TRANK1: variants seen among roughly 807,000 people sequenced by gnomAD.
TRANK1 encodes tetratricopeptide repeat and ankyrin repeat containing 1, also known as TPR and ankyrin repeat-containing protein 1.
In TRANK1, 198 loss-of-function variants were observed where a neutral mutation model predicts 266.0. The observed-to-expected ratio is 0.74, with a 90% CI of 0.66 to 0.84. The LOEUF (loss-of-function observed/expected upper bound fraction) is 0.84. Ranked by LOEUF, TRANK1 falls within the 40% of genes least tolerant of loss-of-function variation. TRANK1 has a pLI of 0.00. For missense variants in TRANK1, 3,326 were observed against 3,634.6 expected, an observed-to-expected ratio of 0.92 and a Z score of 2.18; for synonymous variants, 1,396 against 1,384.1, an observed-to-expected ratio of 1.01 and a Z score of -0.19.
intron 8 of TRANK1, among the ~76,000 whole-genome samples, chr3:36,877,595 C>T (rs748933597): frequency 6.6e-6 from 1 of 152,106 alleles, no homozygotes; most frequent in Non-Finnish European, 1.5e-5. Context: ...AAAAATGAAA[C>T]TGCCATGCAG....
At chr3:36,844,433 G>A (rs1170541140) in intron 17 of TRANK1, among the ~76,000 whole-genome samples, 1 of 152,128 alleles carries the variant, frequency 6.6e-6, no homozygotes, top group African/African-American at 2.4e-5. Context: ...CACCATGTTG[G>A]TCAGGCTGGT....
intron 1 of TRANK1, among the ~76,000 whole-genome samples, chr3:36,909,354 G>T (rs1395738301): frequency 6.6e-6 from 1 of 152,200 alleles, no homozygotes; most frequent in Non-Finnish European, 1.5e-5. Flanking sequence ...CTGCCTGGCA[G>T]CCCTGACCAC....
At chr3:36,914,107 G>A (rs2080092082) in intron 1 of TRANK1, among the ~76,000 whole-genome samples, 1 of 151,588 alleles carries the variant, frequency 6.6e-6, no homozygotes, top group South Asian at 2.1e-4. Context: ...AATATCTAGG[G>A]TCTCTTGACT....
At position 36,831,254 on chromosome 3, in the gene TRANK1, T is replaced by G. The variant is rs2125503183; in HGVS notation, c.8329A>C (p.Thr2777Pro). Reference protein sequence around the residue: ...TQCDLCGVKFTRGPENYFSPS... With the variant: ...TQCDLCGVKFPRGPENYFSPS... ...CTGAAATAGTTCTCTGGGCCACGGGTAAACTTCACTCCACATAGGTCACAC... is the reference window on the plus strand; with the variant it reads ...CTGAAATAGTTCTCTGGGCCACGGGGAAACTTCACTCCACATAGGTCACAC... Residue 2777 changes from threonine to proline, a missense_variant, in exon 22 of 24, where the codon ACC becomes CCC. Coordinates refer to ENST00000645898, the MANE Select transcript of TRANK1 (RefSeq NM_001329998.2). This position sits in a 1 kb window ranked among gnomAD's most constrained non-coding sequence, Gnocchi z 5.0. The G allele has an allele frequency of 6.2e-7, 1 of 1,613,362 alleles. No homozygotes were observed. Among genetic ancestry groups the G allele is most frequent in the African/African-American group, 1.3e-5 (1 of 74,980 alleles).
intron 2 of TRANK1, among the ~76,000 whole-genome samples, chr3:36,904,157 T>C (rs1408786685): frequency 2.0e-5 from 3 of 150,828 alleles, no homozygotes; most frequent in African/African-American, 4.9e-5. Flanking sequence ...GGTTTCACCA[T>C]GTTGGCCAGG....
chr3:36,940,703 T>A (rs1044953724), intron 1 of TRANK1, among the ~76,000 whole-genome samples: 6 of 152,138 alleles, frequency 3.9e-5, no homozygotes, highest in Admixed American at 3.9e-4. Context: ...TTTCCACAGG[T>A]CTACATGACA....
rs1286190514 is a variant in TRANK1 at position 36,831,787 on chromosome 3, A to G, written c.7796T>C (p.Met2599Thr). ...FREIESRLQL[M>T]SMDCPGQVPE... Reference sequence around the variant, plus strand: ...AACCTGGCCAGGGCAGTCCATGCTCATGAGCTGCAGCCTTGACTCAATCTC... The same window carrying G: ...AACCTGGCCAGGGCAGTCCATGCTCGTGAGCTGCAGCCTTGACTCAATCTC... Residue 2599 changes from methionine (M) to threonine (T), a missense_variant, in exon 22 of 24, where the codon ATG becomes ACG. Transcript: ENST00000645898. The surrounding 1 kb of genome is among the most constrained non-coding windows in gnomAD (Gnocchi z 5.0). The G allele has an allele frequency of 6.2e-7, 1 of 1,613,958 alleles. No homozygotes were observed. Among genetic ancestry groups the G allele is most frequent in the African/African-American group, 1.3e-5 (1 of 75,024 alleles).
At chr3:36,892,584 C>T (rs2079716801) in intron 6 of TRANK1, among the ~76,000 whole-genome samples, 1 of 152,194 alleles carries the variant, frequency 6.6e-6, no homozygotes, top group Admixed American at 6.5e-5. Context: ...AATCCCAGCA[C>T]TTTGGGAGGC....
intron 1 of TRANK1, among the ~76,000 whole-genome samples, chr3:36,928,866 G>A (rs886378828): frequency 6.6e-6 from 1 of 151,994 alleles, no homozygotes; most frequent in African/African-American, 2.4e-5. Flanking sequence ...AAAATGTCAA[G>A]TCCTCCCATG....
At position 36,903,266 on chromosome 3, in the gene TRANK1, C is replaced by T. The variant is rs1362144988; in HGVS notation, c.165G>A (p.Pro55=). ...TGCACAGCAGCACAGCCAAGTCCCT[C>T]GGGGGAACCCTGTAAGAACAAACCG... ...LLQLYQWGVP[P]RDLAVLLCNK... Residue 55 remains proline (P), a synonymous_variant, in exon 3 of 24, where the codon CCG becomes CCA. Coordinates refer to ENST00000645898, the MANE Select transcript of TRANK1 (RefSeq NM_001329998.2). The T allele has an allele frequency of 1.7e-5, 26 of 1,537,084 alleles. No homozygotes were observed. The East Asian group carries it at 1.7e-4, about 10-fold the overall frequency.
chr3:36,922,536 T>A lies in TRANK1; in HGVS notation c.24-14082A>T, dbSNP rs1034270274. 3.4e-4 allele frequency among the ~76,000 whole-genome samples: 51 copies of A among 151,298 alleles called. 1 individual carries two copies. Among genetic ancestry groups the A allele is most frequent in the African/African-American group, 1.2e-3 (48 of 41,206 alleles). Reference sequence around the variant, plus strand: ...AGGAGAATCACTTGAAACCAGAAGGTGGAGGTTGCAGTGAGCCGAGATCAT... The same window carrying A: ...AGGAGAATCACTTGAAACCAGAAGGAGGAGGTTGCAGTGAGCCGAGATCAT... On this transcript the variant is annotated intron_variant, in intron 1 of 23. Transcript: ENST00000645898.
intron 22 of TRANK1, 56 bp from the exon 23 acceptor site, chr3:36,829,718 C>T (rs531249700): frequency 1.5e-5 from 23 of 1,561,202 alleles, no homozygotes; most frequent in Middle Eastern, 1.7e-4. Context: ...GGAACTAGAA[C>T]ACCAATTACT....
rs374334186 is a variant in TRANK1, at chr3:36,914,726, C to T, written c.24-6272G>A. On this transcript the variant is annotated intron_variant, in intron 1 of 23. Coordinates refer to ENST00000645898, the MANE Select transcript of TRANK1 (RefSeq NM_001329998.2). ...GATCTCGGCTCACTGCAACCTCTGC[C>T]TCGTGGATTCAAGCCATTCTCTTCC... 9.2e-5 allele frequency among the ~76,000 whole-genome samples: 14 copies of T among 151,828 alleles called. No individual in the cohort carries two copies. The South Asian group carries it at 1.5e-3, about 16-fold the overall frequency.
intron 2 of TRANK1, among the ~76,000 whole-genome samples, chr3:36,907,626 G>A (rs977280488): frequency 3.3e-5 from 5 of 150,832 alleles, no homozygotes; most frequent in East Asian, 3.9e-4. Context: ...CACCACACCC[G>A]GCTAATCTGT....
chr3:36,893,531 C>T (rs1199776779), intron 5 of TRANK1, among the ~76,000 whole-genome samples: 1 of 152,154 alleles, frequency 6.6e-6, no homozygotes, highest in Non-Finnish European at 1.5e-5. Context: ...GGAAATTGGC[C>T]ATGGTGAGAG....
intron 1 of TRANK1, among the ~76,000 whole-genome samples, chr3:36,929,146 A>ATTT (rs5847943): frequency 5.6e-5 from 8 of 144,036 alleles, no homozygotes; most frequent in Non-Finnish European, 7.6e-5. Flanking sequence ...TAAAACATTA[A>ATTT]TTTTTTTTTT....
intron 9 of TRANK1, among the ~76,000 whole-genome samples, chr3:36,872,185 G>A (rs925900881): frequency 5.3e-5 from 8 of 152,198 alleles, no homozygotes; most frequent in African/African-American, 1.9e-4. Flanking sequence ...TAGATCACTT[G>A]AAGTCAGGAG....
chr3:36,906,396 G>A (rs944482994), intron 2 of TRANK1, among the ~76,000 whole-genome samples: 3 of 152,154 alleles, frequency 2.0e-5, no homozygotes, highest in African/African-American at 7.2e-5. Context: ...GGACCCTCAA[G>A]GCCACTGCAG....
intron 8 of TRANK1, among the ~76,000 whole-genome samples, chr3:36,887,031 C>A (rs1166542614): frequency 6.6e-6 from 1 of 151,678 alleles, no homozygotes; most frequent in African/African-American, 2.4e-5. Flanking sequence ...CTCAGCCTCC[C>A]GAGTAGCTGG....
Sources: gnomAD v4.1 joint callset for allele counts (sites outside exome capture counted in the v4.1 genomes callset) on GRCh38, gnomAD v4.1.1 for gene constraint, Gnocchi (gnomAD v3.1) non-coding constraint, MANE v1.5 for transcripts, NCBI Gene and HGNC (gene_info 2026-07-23, HGNC 2026-07-21) for gene names.